Variants in TFAP2D observed in about 807,000 individuals in gnomAD.
TFAP2D encodes transcription factor AP-2-delta.
In TFAP2D, 9 loss-of-function variants were observed where a neutral mutation model predicts 43.6. The ratio of observed to expected loss-of-function variants is 0.21; its 90% CI spans 0.12 to 0.36. The LOEUF (loss-of-function observed/expected upper bound fraction) is 0.36. Among genes scored for constraint, TFAP2D ranks in the 10% least tolerant of loss-of-function variants. The pLI is 1.00. For missense variants in TFAP2D, 513 were observed against 561.4 expected, an observed-to-expected ratio of 0.91 and a Z score of 0.87; for synonymous variants, 256 against 224.9, an observed-to-expected ratio of 1.14 and a Z score of -1.24.
rs115696091 is a variant in TFAP2D at position 50,739,605 on chromosome 6, C to A, written c.884-5502C>A. Among the ~76,000 whole-genome samples the A allele has an allele frequency of 7.4e-3, 1,131 of 152,176 alleles. 16 individuals carry two copies. Among genetic ancestry groups the A allele is most frequent in the African/African-American group, 0.026 (1,070 of 41,512 alleles). Reference sequence around the variant, plus strand: ...GTATAGTCTATTTTATTAAATGGCTCCACTGATAGAGGGATATACTCTATT... The same window carrying A: ...GTATAGTCTATTTTATTAAATGGCTACACTGATAGAGGGATATACTCTATT... On this transcript the variant is annotated intron_variant, in intron 5 of 7. Coordinates refer to ENST00000008391, the MANE Select transcript of TFAP2D (RefSeq NM_172238.4).
chr6:50,726,315 T>A (rs957284482), intron 3 of TFAP2D, among the ~76,000 whole-genome samples: 9 of 152,192 alleles, frequency 5.9e-5, no homozygotes, highest in African/African-American at 2.2e-4. Context: ...TGAAGATTAG[T>A]AAAGATAAGA....
At position 50,713,850 on chromosome 6, in the gene TFAP2D, G is replaced by A; in HGVS notation, c.-206G>A. The A allele has an allele frequency of 1.5e-6, 1 of 674,790 alleles. No homozygotes were observed. Among genetic ancestry groups the A allele is most frequent in the Non-Finnish European group, 2.5e-6 (1 of 405,270 alleles). 41.8% of individuals were successfully genotyped at this position (674,790 alleles called of 1,614,324 possible). Reference sequence around the variant, plus strand: ...TCCAGGGAGCTGCTTTTGTGCAGAGGGAAAATTTTGTTCCTACAGGTTTTT... The same window carrying A: ...TCCAGGGAGCTGCTTTTGTGCAGAGAGAAAATTTTGTTCCTACAGGTTTTT... On this transcript the variant is annotated 5_prime_UTR_variant, in exon 1 of 8. Coordinates refer to ENST00000008391, the MANE Select transcript of TFAP2D (RefSeq NM_172238.4).
chr6:50,757,038 T>C (rs9395620), intron 7 of TFAP2D, among the ~76,000 whole-genome samples: 37,225 of 151,610 alleles, frequency 0.25, 5,287 homozygotes, highest in East Asian at 0.43. Context: ...TTAGACTATC[T>C]TGAAGGCTCA....
chr6:50,731,189 C>A (rs1332625102), intron 5 of TFAP2D, among the ~76,000 whole-genome samples: 1 of 152,086 alleles, frequency 6.6e-6, no homozygotes, highest in Non-Finnish European at 1.5e-5. Flanking sequence ...AAGTGCCCGA[C>A]TTGTATTCTA....
chr6:50,729,335 A>G (rs1179855398), intron 5 of TFAP2D, 23 bp downstream of exon 5: 1 of 1,594,888 alleles, frequency 6.3e-7, no homozygotes, highest in Admixed American at 1.7e-5. Flanking sequence ...AGTTTAGCAA[A>G]ATAATGCTGG....
chr6:50,727,906 G>T (rs1768831979), intron 3 of TFAP2D, among the ~76,000 whole-genome samples: 1 of 152,260 alleles, frequency 6.6e-6, no homozygotes, highest in African/African-American at 2.4e-5. Flanking sequence ...AGTGGGAAAT[G>T]CTTCTCAGAG....
At chr6:50,736,297 C>T (rs1479929015) in intron 5 of TFAP2D, among the ~76,000 whole-genome samples, 2 of 152,112 alleles carry the variant, frequency 1.3e-5, no homozygotes, top group African/African-American at 4.8e-5. Flanking sequence ...TCTGCTGTTC[C>T]CTTTTACATA....
chr6:50,772,937 T>A lies in TFAP2D; in HGVS notation c.*73T>A. The A allele has an allele frequency of 7.2e-7, 1 of 1,390,580 alleles. No individual in the cohort carries two copies. The highest frequency in any genetic ancestry group is 2.1e-5 in the Admixed American group (1 of 48,022). 86.1% of individuals were successfully genotyped at this position (1,390,580 alleles called of 1,614,324 possible). On this transcript the variant is annotated 3_prime_UTR_variant, in exon 8 of 8. Transcript: ENST00000008391. Reference sequence around the variant, plus strand: ...TTTCTAATATATATATCATTGAGGGTGACTAATCTTCAGTGGACCAAATCT... The same window carrying A: ...TTTCTAATATATATATCATTGAGGGAGACTAATCTTCAGTGGACCAAATCT...
chr6:50,721,975 G>A (rs1227117814), intron 3 of TFAP2D, among the ~76,000 whole-genome samples: 5 of 152,200 alleles, frequency 3.3e-5, no homozygotes, highest in Non-Finnish European at 7.3e-5. Context: ...GGCGTGGAGG[G>A]CTTGGGCATT....
chr6:50,730,675 G>A (rs1032493515), intron 5 of TFAP2D, among the ~76,000 whole-genome samples: 8 of 152,078 alleles, frequency 5.3e-5, no homozygotes, highest in African/African-American at 1.2e-4. Flanking sequence ...GGTAGGACTC[G>A]AGTAGTTCTC....
chr6:50,718,746 G>T (rs896360188), intron 2 of TFAP2D, among the ~76,000 whole-genome samples: 8 of 152,160 alleles, frequency 5.3e-5, no homozygotes, highest in Admixed American at 3.3e-4. Context: ...CTCAGAAAGT[G>T]CTGAGTGTAC....
At chr6:50,742,630 A>G (rs1769065973) in intron 5 of TFAP2D, among the ~76,000 whole-genome samples, 2 of 146,060 alleles carry the variant, frequency 1.4e-5, no homozygotes, top group African/African-American at 5.0e-5. Flanking sequence ...AGATAGATAG[A>G]TGATAGATAG....
intron 5 of TFAP2D, among the ~76,000 whole-genome samples, chr6:50,741,124 T>C (rs140510884): frequency 4.6e-4 from 70 of 151,832 alleles, no homozygotes; most frequent in African/African-American, 1.6e-3. Context: ...TATAAGTATT[T>C]AATATAAGTA....
intron 3 of TFAP2D, among the ~76,000 whole-genome samples, chr6:50,726,949 G>C (rs1768816604): frequency 6.6e-6 from 1 of 152,134 alleles, no homozygotes; most frequent in Non-Finnish European, 1.5e-5. Flanking sequence ...CCATTGTATT[G>C]GCTACAAGTT....
chr6:50,737,021 T>A (rs949479366), intron 5 of TFAP2D, among the ~76,000 whole-genome samples: 3 of 152,142 alleles, frequency 2.0e-5, no homozygotes, highest in African/African-American at 7.2e-5. Flanking sequence ...AGCTCCGTTG[T>A]CCAGACTGGA....
rs571769756 is a variant in TFAP2D at position 50,751,837 on chromosome 6, T to A, written c.1139+513T>A. On this transcript the variant is annotated intron_variant, in intron 7 of 7. Coordinates refer to ENST00000008391, the MANE Select transcript of TFAP2D (RefSeq NM_172238.4). Reference sequence around the variant, plus strand: ...TTTTTAAAATTCCAAGCTTGTAAAATCAAATTGAGAGAATAACAATGCATG... The same window carrying A: ...TTTTTAAAATTCCAAGCTTGTAAAAACAAATTGAGAGAATAACAATGCATG... Among the ~76,000 whole-genome samples, 6 of 152,012 alleles carry A rather than the reference T, an allele frequency of 3.9e-5. No individual in the cohort carries two copies. The East Asian group carries it at 1.2e-3, about 29-fold the overall frequency.
intron 5 of TFAP2D, among the ~76,000 whole-genome samples, chr6:50,733,970 GTCTC>G (rs1768928341): frequency 6.7e-6 from 1 of 150,012 alleles, no homozygotes; most frequent in Non-Finnish European, 1.5e-5. Context: ...CTCTCTCTCT[GTCTC>G]TCTTTCTGTG....
chr6:50,771,037 A>C (rs1214150983), intron 7 of TFAP2D, among the ~76,000 whole-genome samples: 1 of 152,214 alleles, frequency 6.6e-6, no homozygotes, highest in African/African-American at 2.4e-5. Flanking sequence ...TCACAAGAAG[A>C]CTAAATCTAC....
chr6:50,741,262 T>A (rs1280650796), intron 5 of TFAP2D, among the ~76,000 whole-genome samples: 1 of 152,176 alleles, frequency 6.6e-6, no homozygotes, highest in East Asian at 1.9e-4. Context: ...CTGATCCACC[T>A]ACACACCCAT....
Sources: gnomAD v4.1 joint callset for allele counts (sites outside exome capture counted in the v4.1 genomes callset) on GRCh38, gnomAD v4.1.1 for gene constraint, MANE v1.5 for transcripts, NCBI Gene and HGNC (gene_info 2026-07-23, HGNC 2026-07-21) for gene names.